Variants in CIMIP5 observed in about 807,000 individuals in gnomAD.
CIMIP5 encodes ciliary microtubule inner protein 5, also known as uncharacterized protein C2orf50.
the CIMIP5 span, among the ~76,000 whole-genome samples, chr2:11,136,201 C>G: frequency 6.6e-6 from 1 of 152,146 alleles, no homozygotes; most frequent in Non-Finnish European, 1.5e-5. Flanking sequence ...GGAATAATTG[C>G]CAAGACCAAT....
the CIMIP5 span, among the ~76,000 whole-genome samples, chr2:11,151,270 G>C: frequency 0.02 from 3,093 of 152,368 alleles, 42 homozygotes; most frequent in African/African-American, 0.034. Flanking sequence ...CCACCTTGGG[G>C]ACGTGTCGTC....
the CIMIP5 span, among the ~76,000 whole-genome samples, chr2:11,134,464 C>T: frequency 3.9e-5 from 6 of 152,200 alleles, no homozygotes; most frequent in Non-Finnish European, 8.8e-5. Flanking sequence ...ACTTCATACC[C>T]GTTGATTAGC....
the CIMIP5 span, among the ~76,000 whole-genome samples, chr2:11,135,005 A>G: frequency 6.6e-6 from 1 of 152,296 alleles, no homozygotes; most frequent in South Asian, 2.1e-4. Flanking sequence ...AAGAGGGACC[A>G]AGAGACAGAG....
At chr2:11,143,777 G>C in the CIMIP5 span, 1 of 673,776 alleles carries the variant, frequency 1.5e-6, no homozygotes, top group East Asian at 3.2e-5. Context: ...GGTCACTCTT[G>C]GGGGATCCCA....
chr2:11,134,239 CAAAG>C, the CIMIP5 span, among the ~76,000 whole-genome samples: 2 of 152,130 alleles, frequency 1.3e-5, no homozygotes, highest in African/African-American at 4.8e-5. Flanking sequence ...AAAAACAAAA[CAAAG>C]AATTCGTGTA....
the CIMIP5 span, chr2:11,146,916 C>T: frequency 6.6e-6 from 1 of 152,320 alleles, no homozygotes; most frequent in African/African-American, 2.4e-5. Flanking sequence ...TTATATTATT[C>T]TCACACTCAA....
chr2:11,136,106 C>G, the CIMIP5 span, among the ~76,000 whole-genome samples: 1 of 152,144 alleles, frequency 6.6e-6, no homozygotes, highest in African/African-American at 2.4e-5. Flanking sequence ...TGCTTGTTTC[C>G]TTTGCTCTTC....
the CIMIP5 span, chr2:11,140,476 G>A: frequency 1.3e-6 from 2 of 1,516,456 alleles, no homozygotes; most frequent in South Asian, 1.3e-5. Context: ...GTCCTGGAAG[G>A]AACTCACACA....
chr2:11,133,445 G>A, the CIMIP5 span: 3 of 1,610,170 alleles, frequency 1.9e-6, no homozygotes, highest in Admixed American at 3.4e-5. Flanking sequence ...GTGGCCCTAT[G>A]GCCAGCAGGG....
the CIMIP5 span, among the ~76,000 whole-genome samples, chr2:11,136,945 G>A: frequency 1.3e-5 from 2 of 152,192 alleles, no homozygotes; most frequent in Admixed American, 1.3e-4. Context: ...GCACAAGGAG[G>A]CATAAAGACC....
the CIMIP5 span, among the ~76,000 whole-genome samples, chr2:11,142,432 G>C: frequency 6.6e-6 from 1 of 152,118 alleles, no homozygotes; most frequent in Non-Finnish European, 1.5e-5. Context: ...CTATTCTGGA[G>C]GGAAAATTCA....
chr2:11,135,667 GTT>G, the CIMIP5 span, among the ~76,000 whole-genome samples: 21,403 of 141,816 alleles, frequency 0.15, 4,612 homozygotes, highest in African/African-American at 0.47. Context: ...GGTTTTTTTG[GTT>G]TTTTTTTTTT....
the CIMIP5 span, among the ~76,000 whole-genome samples, chr2:11,142,212 G>A: frequency 3.5e-5 from 5 of 144,096 alleles, no homozygotes; most frequent in Admixed American, 3.7e-4. Context: ...GTTGCAGTGA[G>A]CAGAGATCAC....
the CIMIP5 span, among the ~76,000 whole-genome samples, chr2:11,135,797 C>A: frequency 6.6e-6 from 1 of 152,016 alleles, no homozygotes; most frequent in African/African-American, 2.4e-5. Flanking sequence ...CGTGCCTCAG[C>A]CTCCCAAAGT....
At chr2:11,151,435 C>T in the CIMIP5 span, among the ~76,000 whole-genome samples, 13 of 152,308 alleles carry the variant, frequency 8.5e-5, no homozygotes, top group Admixed American at 7.8e-4. Context: ...AGTTTCTGCT[C>T]AATTCCATGT....
At chr2:11,140,683 C>G in the CIMIP5 span, 2 of 589,948 alleles carry the variant, frequency 3.4e-6, no homozygotes, top group South Asian at 4.7e-5. Flanking sequence ...CAAATACACT[C>G]TTGTTTCAAG....
chr2:11,152,123 T>C, the CIMIP5 span, among the ~76,000 whole-genome samples: 2 of 152,198 alleles, frequency 1.3e-5, no homozygotes, highest in Non-Finnish European at 1.5e-5. Flanking sequence ...AGCTGATCCA[T>C]CCAGTGCAGG....
At chr2:11,137,831 A>C in the CIMIP5 span, among the ~76,000 whole-genome samples, 1 of 152,088 alleles carries the variant, frequency 6.6e-6, no homozygotes, top group South Asian at 2.1e-4. Flanking sequence ...TGTCTAAGAA[A>C]GGTTTTATTT....
At chr2:11,140,244 G>A in the CIMIP5 span, among the ~76,000 whole-genome samples, 5 of 150,262 alleles carry the variant, frequency 3.3e-5, no homozygotes, top group East Asian at 2.0e-4. Flanking sequence ...GCGCGGTGGC[G>A]GGTGCCTGTA....
Sources: gnomAD v4.1 joint callset for allele counts (sites outside exome capture counted in the v4.1 genomes callset) on GRCh38, gnomAD v4.1.1 for gene constraint, MANE v1.5 for transcripts, NCBI Gene and HGNC (gene_info 2026-07-23, HGNC 2026-07-21) for gene names.